Variants in SPATS2 observed in about 807,000 individuals in gnomAD.
The protein encoded by SPATS2 is spermatogenesis associated serine rich 2.
SPATS2 carries 38 observed loss-of-function variants against 63.7 expected under a neutral mutation model. The observed-to-expected ratio is 0.60, with a 90% CI of 0.46 to 0.78. The LOEUF is 0.78. SPATS2 is among the 30% of genes least tolerant of loss of function. SPATS2 has a pLI of 0.00. For synonymous variants in SPATS2, 207 were observed against 232.9 expected (o/e 0.89, Z 1.01); for missense variants, 588 against 666.2 (o/e 0.88, Z 1.29).
intron 1 of SPATS2, among the ~76,000 whole-genome samples, chr12:49,370,825 C>G (rs1943984815): frequency 6.6e-6 from 1 of 152,144 alleles, no homozygotes; most frequent in Non-Finnish European, 1.5e-5. Flanking sequence ...CTCTGTCGCC[C>G]AGGCTGGAGT....
chr12:49,460,380 G>A (rs1003916354), intron 2 of SPATS2, among the ~76,000 whole-genome samples: 1 of 152,144 alleles, frequency 6.6e-6, no homozygotes, highest in African/African-American at 2.4e-5. Context: ...CTTGAACCCG[G>A]GAGGCAGAGG....
At chr12:49,400,481 G>A (rs1295391892) in intron 2 of SPATS2, among the ~76,000 whole-genome samples, 2 of 152,202 alleles carry the variant, frequency 1.3e-5, no homozygotes, top group Admixed American at 1.3e-4. Context: ...CACCAGTAGA[G>A]AGGGAAATAT....
At chr12:49,508,303 G>C (rs1946686944) in intron 9 of SPATS2, among the ~76,000 whole-genome samples, 1 of 152,086 alleles carries the variant, frequency 6.6e-6, no homozygotes, top group South Asian at 2.1e-4. Context: ...TGCCTCCCGG[G>C]TTCAAGCGAT....
At chr12:49,432,547 AAGTT>A (rs1393874594) in intron 2 of SPATS2, among the ~76,000 whole-genome samples, 1 of 152,196 alleles carries the variant, frequency 6.6e-6, no homozygotes, top group Non-Finnish European at 1.5e-5. Flanking sequence ...AGATCGCCCA[AAGTT>A]TTTTTATCTT....
intron 4 of SPATS2, among the ~76,000 whole-genome samples, chr12:49,487,307 A>C (rs1381274446): frequency 1.3e-5 from 2 of 152,138 alleles, no homozygotes; most frequent in Admixed American, 1.3e-4. Context: ...CCTGTCCAAC[A>C]TGGTGAAACC....
chr12:49,418,680 A>G (rs193044059), intron 2 of SPATS2, among the ~76,000 whole-genome samples: 1 of 152,246 alleles, frequency 6.6e-6, no homozygotes, highest in African/African-American at 2.4e-5. Flanking sequence ...GCCTCAAGTG[A>G]TCCATCTACC....
chr12:49,375,207 T>G (rs1195561550), intron 2 of SPATS2, among the ~76,000 whole-genome samples: 1 of 148,550 alleles, frequency 6.7e-6, no homozygotes, highest in Non-Finnish European at 1.5e-5. Flanking sequence ...GTGGTAGTGG[T>G]CTTTAGAATT....
At position 49,500,148 on chromosome 12, in the gene SPATS2, A is replaced by G. The variant is rs748432505; in HGVS notation, c.782A>G (p.Glu261Gly). Residue 261 changes from glutamate (E) to glycine (G), a missense_variant, in exon 9 of 14, where the codon GAA (glutamate) becomes GGA (glycine). Physicochemically the swap from Glu to Gly is moderately conservative, Grantham distance 98. Coordinates refer to ENST00000552918, the MANE Select transcript of SPATS2 (RefSeq NM_023071.4). ...SLARYRVVVK[E>G]EMDASIKKMK... ...GCACGGTATCGAGTTGTAGTTAAAG[A>G]AGAGATGGATGCCTCCATTAAGAAA... 5.6e-6 allele frequency: 9 copies of G among 1,611,726 alleles called. No individual in the cohort carries two copies. The Admixed American group carries it at 1.0e-4, about 18-fold the overall frequency.
chr12:49,413,362 A>G (rs941245377), intron 2 of SPATS2, among the ~76,000 whole-genome samples: 8 of 151,962 alleles, frequency 5.3e-5, no homozygotes, highest in African/African-American at 1.7e-4. Context: ...TGGTAGCCAG[A>G]CTACTGTAAC....
At chr12:49,370,372 C>T (rs572298628) in intron 1 of SPATS2, among the ~76,000 whole-genome samples, 13 of 152,130 alleles carry the variant, frequency 8.5e-5, no homozygotes, top group African/African-American at 2.4e-5. Flanking sequence ...TTCAGTCTTG[C>T]TGCTTTCATT....
At chr12:49,472,134 T>G (rs1191340981) in intron 3 of SPATS2, among the ~76,000 whole-genome samples, 1 of 152,086 alleles carries the variant, frequency 6.6e-6, no homozygotes, top group Non-Finnish European at 1.5e-5. Context: ...CAAGACTCTT[T>G]GTCTCAAAAG....
Position 49,524,732 on chromosome 12 carries a change from AC to A in SPATS2, c.1163del (p.Thr388AsnfsTer5). On this transcript the variant is annotated frameshift_variant, in exon 13 of 14. Transcript: ENST00000552918. LOFTEE classifies it high-confidence loss of function. ...YSTRSRCSSV[T>X]SVSLSSPSDA... ...GACCAGATCCCGATGTAGCTCAGTT[AC>A]ATCTGTGTCCTTGAGTAGCCCAAGT... is the stretch of plus-strand genomic sequence containing the variant. 2 of 1,614,158 alleles carry A rather than the reference AC, an allele frequency of 1.2e-6. No individual in the cohort carries two copies. The highest frequency in any genetic ancestry group is 1.7e-6 in the Non-Finnish European group (2 of 1,180,024).
chr12:49,485,212 G>A (rs1350235703), intron 4 of SPATS2, among the ~76,000 whole-genome samples: 1 of 151,618 alleles, frequency 6.6e-6, no homozygotes, highest in African/African-American at 2.4e-5. Context: ...GACTACAGGC[G>A]CCCACCACCA....
At position 49,454,210 on chromosome 12, in the gene SPATS2, CCTT is replaced by C. The variant is rs1252858033; in HGVS notation, c.-243-6556_-243-6554del. ...GCTAACCAGACATTCGAACTTCCAC[CCTT>C]CTTTGTGACAGCTGAGGTCACTAGT... On this transcript the variant is annotated intron_variant, in intron 2 of 13. Transcript: ENST00000552918. The C allele has an allele frequency of 7.9e-5, 12 of 152,198 alleles. 1 individual carries two copies. The highest frequency in any genetic ancestry group is 6.6e-4 in the Admixed American group (10 of 15,262). The allele number at this position is 152,198 out of a possible 1,614,324, so 9.4% of individuals were successfully genotyped here.
intron 2 of SPATS2, among the ~76,000 whole-genome samples, chr12:49,418,735 C>T (rs185645565): frequency 7.0e-4 from 107 of 152,250 alleles, no homozygotes; most frequent in African/African-American, 2.5e-3. Flanking sequence ...GCCACTGTGG[C>T]CAGCCGACTA....
intron 2 of SPATS2, among the ~76,000 whole-genome samples, chr12:49,439,802 G>T (rs1208582478): frequency 6.6e-6 from 1 of 152,098 alleles, no homozygotes; most frequent in Non-Finnish European, 1.5e-5. Context: ...TCTTACTACT[G>T]CCAGGAACAC....
chr12:49,496,252 A>G (rs543548274), intron 7 of SPATS2, among the ~76,000 whole-genome samples: 16 of 152,198 alleles, frequency 1.1e-4, no homozygotes, highest in South Asian at 4.2e-4. Context: ...TTACACTTCT[A>G]TCCCCTAGAG....
chr12:49,510,768 A>C (rs1025742814), intron 9 of SPATS2, among the ~76,000 whole-genome samples: 1 of 152,210 alleles, frequency 6.6e-6, no homozygotes. Context: ...GTACCAATGA[A>C]TTATTGAAGG....
intron 9 of SPATS2, among the ~76,000 whole-genome samples, chr12:49,503,928 G>GT (rs1946612182): frequency 6.6e-6 from 1 of 152,138 alleles, no homozygotes; most frequent in Admixed American, 6.5e-5. Context: ...ATTAGCTGAC[G>GT]TAACAACCAG....
Sources: allele counts gnomAD v4.1 joint callset (sites outside exome capture counted in the v4.1 genomes callset), GRCh38; gene constraint gnomAD v4.1.1; transcripts MANE v1.5; gene names NCBI Gene and HGNC (gene_info 2026-07-23, HGNC 2026-07-21).